FHIT: variants seen among roughly 807,000 people sequenced by gnomAD.
The protein encoded by FHIT is fragile histidine triad diadenosine triphosphatase.
A neutral mutation model predicts 17.9 loss-of-function variants in FHIT; 19 were observed. The ratio of observed to expected loss-of-function variants is 1.06; its 90% CI spans 0.74 to 1.56. The LOEUF (loss-of-function observed/expected upper bound fraction) is 1.56, where lower values mean the gene tolerates loss of function less well. Among genes scored for constraint, FHIT ranks in the 40% most tolerant of loss-of-function variants. The pLI, the probability that FHIT is intolerant of heterozygous loss-of-function variation, is 0.00. For missense variants in FHIT, 248 were observed against 189.2 expected (o/e 1.31, Z -1.82); for synonymous variants, 81 against 69.7 (o/e 1.16, Z -0.81).
intron 3 of FHIT, 135 bp from the exon 4 acceptor site, chr3:60,822,146 G>A (rs1553739563): frequency 6.6e-6 from 1 of 152,202 alleles, no homozygotes; most frequent in Non-Finnish European, 1.5e-5. Flanking sequence ...CAGAATGAAG[G>A]TACATATGTG....
intron 3 of FHIT, among the ~76,000 whole-genome samples, chr3:60,911,015 C>G (rs951971590): frequency 6.6e-6 from 1 of 152,160 alleles, no homozygotes; most frequent in South Asian, 2.1e-4. Flanking sequence ...AGTCATGGCT[C>G]GTAACTTGCT....
intron 2 of FHIT, among the ~76,000 whole-genome samples, chr3:61,076,820 C>A (rs1472432383): frequency 6.6e-6 from 1 of 152,150 alleles, no homozygotes; most frequent in Non-Finnish European, 1.5e-5. Context: ...AATACATTTT[C>A]CTTACACTGA....
At chr3:60,862,872 T>C (rs1009366951) in intron 3 of FHIT, among the ~76,000 whole-genome samples, 1 of 151,148 alleles carries the variant, frequency 6.6e-6, no homozygotes, top group African/African-American at 2.4e-5. Flanking sequence ...AAAAAAAGAT[T>C]CCTGTCCCTG....
chr3:59,859,198 C>A (rs1471484041), intron 8 of FHIT, among the ~76,000 whole-genome samples: 2 of 152,034 alleles, frequency 1.3e-5, no homozygotes, highest in African/African-American at 2.4e-5. Context: ...CCAACTGGAC[C>A]AGGTGATCAA....
At chr3:60,958,666 G>C (rs1230923971) in intron 3 of FHIT, among the ~76,000 whole-genome samples, 1 of 152,260 alleles carries the variant, frequency 6.6e-6, no homozygotes, top group Admixed American at 6.5e-5. Flanking sequence ...TGATATGGGA[G>C]GGACAGAGCA....
intron 5 of FHIT, among the ~76,000 whole-genome samples, chr3:60,412,978 G>A (rs1702119254): frequency 6.6e-6 from 1 of 152,116 alleles, no homozygotes. Context: ...TAAGTTCCCT[G>A]AGGCCTCCCC....
At chr3:60,440,876 A>G (rs1226694304) in intron 5 of FHIT, among the ~76,000 whole-genome samples, 1 of 152,126 alleles carries the variant, frequency 6.6e-6, no homozygotes, top group Admixed American at 6.6e-5. Context: ...ACATAGGGCA[A>G]TAAGTGATAC....
chr3:60,431,787 T>C (rs1375533156), intron 5 of FHIT, among the ~76,000 whole-genome samples: 1 of 151,990 alleles, frequency 6.6e-6, no homozygotes, highest in Non-Finnish European at 1.5e-5. Flanking sequence ...TTACAGACTC[T>C]CTCATGTCCA....
intron 4 of FHIT, among the ~76,000 whole-genome samples, chr3:60,743,849 T>A (rs944280474): frequency 2.0e-5 from 3 of 152,020 alleles, no homozygotes; most frequent in Admixed American, 2.0e-4. Context: ...TTTCACGGGG[T>A]TTTTTTGTCT....
chr3:60,159,472 C>T (rs1700845808), intron 5 of FHIT, among the ~76,000 whole-genome samples: 1 of 152,090 alleles, frequency 6.6e-6, no homozygotes, highest in African/African-American at 2.4e-5. Flanking sequence ...CATACATATC[C>T]TCACAAGCCA....
chr3:60,991,790 CTGTTGT>C (rs35971675), intron 3 of FHIT, among the ~76,000 whole-genome samples: 2 of 151,572 alleles, frequency 1.3e-5, no homozygotes, highest in East Asian at 1.9e-4. Context: ...ATAATAATAG[CTGTTGT>C]TGTTATTATT....
intron 5 of FHIT, among the ~76,000 whole-genome samples, chr3:60,407,291 C>G (rs576657780): frequency 2.6e-5 from 4 of 151,794 alleles, no homozygotes; most frequent in Non-Finnish European, 5.9e-5. Flanking sequence ...GAAAAAATGT[C>G]GGAAAAGCCT....
chr3:60,588,255 C>G (rs1374769223), intron 4 of FHIT, among the ~76,000 whole-genome samples: 2 of 152,010 alleles, frequency 1.3e-5, no homozygotes, highest in African/African-American at 4.8e-5. Flanking sequence ...TCTTTTCTCC[C>G]TATATCCACT....
At chr3:60,176,950 A>C (rs913164996) in intron 5 of FHIT, among the ~76,000 whole-genome samples, 2 of 152,162 alleles carry the variant, frequency 1.3e-5, no homozygotes, top group African/African-American at 2.4e-5. Flanking sequence ...GGGCAAAGCA[A>C]GGAGAAAGGC....
At chr3:60,489,504 G>C (rs144347185) in intron 5 of FHIT, among the ~76,000 whole-genome samples, 1 of 152,184 alleles carries the variant, frequency 6.6e-6, no homozygotes, top group East Asian at 1.9e-4. Flanking sequence ...GCTTACAACT[G>C]TTTGGCCTAA....
At position 60,202,721 on chromosome 3, in the gene FHIT, T is replaced by C. The variant is rs1398518917; in HGVS notation, c.104-188569A>G. On this transcript the variant is annotated intron_variant, in intron 5 of 9. Transcript: ENST00000492590. ...ACCAGCCAGCCTAAAAGTACTGAGC[T>C]CTGTTTCCCATCATAAGGCCAAGAA... 2.6e-5 allele frequency among the ~76,000 whole-genome samples: 4 copies of C among 152,160 alleles called. No individual in the cohort carries two copies. The East Asian group carries it at 7.7e-4, about 29-fold the overall frequency.
chr3:59,843,273 G>A (rs1321532918), intron 8 of FHIT, among the ~76,000 whole-genome samples: 1 of 152,108 alleles, frequency 6.6e-6, no homozygotes, highest in African/African-American at 2.4e-5. Context: ...CTATTCCATT[G>A]ATGTATAAAT....
At chr3:59,806,175 T>C (rs1403765401) in intron 8 of FHIT, among the ~76,000 whole-genome samples, 1 of 142,890 alleles carries the variant, frequency 7.0e-6, no homozygotes, top group Non-Finnish European at 1.5e-5. Context: ...CGAGAATCTG[T>C]CTCAAAAAAA....
At chr3:60,798,700 T>A (rs1159219541) in intron 4 of FHIT, among the ~76,000 whole-genome samples, 1 of 138,538 alleles carries the variant, frequency 7.2e-6, no homozygotes, top group Admixed American at 7.6e-5. Flanking sequence ...CCATTGACTC[T>A]AATTTAGACC....
Sources: allele counts gnomAD v4.1 joint callset (sites outside exome capture counted in the v4.1 genomes callset), GRCh38; gene constraint gnomAD v4.1.1; transcripts MANE v1.5; gene names NCBI Gene and HGNC (gene_info 2026-07-23, HGNC 2026-07-21).